The following ARHGAP27 variants were observed in gnomAD, a reference collection of about 807,000 sequenced individuals.
The protein encoded by ARHGAP27 is Rho GTPase activating protein 27.
In ARHGAP27, 53 loss-of-function variants were observed where a neutral mutation model predicts 102.0. The observed-to-expected ratio is 0.52, with a 90% CI of 0.42 to 0.65. The LOEUF (loss-of-function observed/expected upper bound fraction) is 0.65, where lower values mean the gene tolerates loss of function less well. Among genes scored for constraint, ARHGAP27 ranks in the 30% least tolerant of loss-of-function variants. The pLI is 0.00. For missense variants in ARHGAP27, 1,117 were observed against 1,256.2 expected (o/e 0.89, Z 1.68); for synonymous variants, 525 against 542.8 (o/e 0.97, Z 0.46).
In ARHGAP27 at chr17:45,395,114, T is replaced by G. The variant is rs555981232; in HGVS notation, c.*342A>C. On this transcript the variant is annotated 3_prime_UTR_variant, in exon 20 of 20. Coordinates refer to ENST00000685559, the MANE Select transcript of ARHGAP27 (RefSeq NM_001282290.2). ...GCCAGGAAGCCCTCCATCAAACTCC[T>G]CCTCCCAGCACCTACCATTCCAGAA... 1.2e-4 allele frequency: 39 copies of G among 332,398 alleles called. No individual in the cohort carries two copies. Among genetic ancestry groups the G allele is most frequent in the Non-Finnish European group, 2.1e-4 (38 of 179,944 alleles). The allele number at this position is 332,398 out of a possible 1,614,324, so 20.6% of individuals were successfully genotyped here.
intron 16 of ARHGAP27, 58 bp downstream of exon 16, chr17:45,396,429 G>C: frequency 2.7e-6 from 4 of 1,478,486 alleles, no homozygotes; most frequent in Non-Finnish European, 3.6e-6. Flanking sequence ...CTGCGGTCCT[G>C]GCAGGAGGCC....
chr17:45,397,908 C>G (rs774822507), intron 13 of ARHGAP27, 41 bp downstream of exon 13: 1 of 1,546,078 alleles, frequency 6.5e-7, no homozygotes. Context: ...ATAATGGCCA[C>G]CCCCTCCCCA....
chr17:45,395,672 G>A (rs1807378076), intron 19 of ARHGAP27, 39 bp from the exon 20 acceptor site: 1 of 1,574,280 alleles, frequency 6.4e-7, no homozygotes, highest in Non-Finnish European at 8.6e-7. Flanking sequence ...TCCGAACTGC[G>A]AACTGCGGGG....
Position 45,429,848 on chromosome 17 carries a change from G to A in ARHGAP27, c.432C>T (p.Tyr144=), listed in dbSNP as rs762741458. 116 of 1,368,064 alleles carry A rather than the reference G, an allele frequency of 8.5e-5. 1 individual carries two copies. In the South Asian group the frequency reaches 1.8e-3, roughly 21 times the overall value. 84.7% of individuals were successfully genotyped at this position (1,368,064 alleles called of 1,614,324 possible). A position where few individuals can be genotyped will look rare whatever the true frequency, so the allele number is the denominator to read the frequency against. ...GCCGCACGGGCGCCGCGGGCCGCAG[G>A]TACAGGCAGGCTGGCAGGCCGGGCG... ...SLAPGLPACL[Y]LRPAAPVRPA... Residue 144 remains tyrosine (Y), a synonymous_variant, in exon 4 of 20, where the codon TAC becomes TAT. Coordinates refer to ENST00000685559, the MANE Select transcript of ARHGAP27 (RefSeq NM_001282290.2).
rs2046954098 is a variant in ARHGAP27 at position 45,404,965 on chromosome 17, C to T, written c.1207G>A (p.Asp403Asn). The T allele has an allele frequency of 1.2e-6, 2 of 1,613,952 alleles. No homozygotes were observed. Among genetic ancestry groups the T allele is most frequent in the African/African-American group, 1.3e-5 (1 of 74,892 alleles). Residue 403 changes from aspartate to asparagine, a missense_variant, in exon 6 of 20, where the codon GAC (aspartate) becomes AAC (asparagine). Transcript: ENST00000685559. Reference protein sequence around the residue: ...PPGWSCHVSQDKQMLYTNHFT... With the variant: ...PPGWSCHVSQNKQMLYTNHFT... ...TGGTTGGTGTAGAGCATCTGCTTGT[C>T]CTGGCTGACATGACAAGACCAGCCG...
chr17:45,410,434 G>A, intron 4 of ARHGAP27: 6 of 1,352,646 alleles, frequency 4.4e-6, no homozygotes, highest in Non-Finnish European at 5.7e-6. Context: ...CCCATTTCCT[G>A]TCAGGGCTGC....
chr17:45,396,126 GAGGA>G lies in ARHGAP27; in HGVS notation c.2252-13_2252-10del. 1 of 1,607,094 alleles carries G rather than the reference GAGGA, an allele frequency of 6.2e-7. No individual in the cohort carries two copies. Among genetic ancestry groups the G allele is most frequent in the East Asian group, 2.2e-5 (1 of 44,808 alleles). ...CAGGTCAAGGCGCTCATCTGTGGCG[GAGGA>G]AGGGAGGAGGACGGAAGGGAAATCA... On this transcript the variant is annotated splice_polypyrimidine_tract_variant and intron_variant, in intron 17 of 19. Transcript: ENST00000685559.
intron 4 of ARHGAP27, among the ~76,000 whole-genome samples, chr17:45,418,623 C>T (rs1338206589): frequency 6.6e-6 from 1 of 152,128 alleles, no homozygotes; most frequent in Admixed American, 6.6e-5. Flanking sequence ...GCCACTTAAA[C>T]ACGCCCTGTT....
At chr17:45,429,459 C>T in intron 4 of ARHGAP27, 164 bp downstream of exon 4, 1 of 1,467,770 alleles carries the variant, frequency 6.8e-7, no homozygotes, top group Non-Finnish European at 8.9e-7. Flanking sequence ...GCGTGCACCC[C>T]TCACGTTTCG....
chr17:45,405,300 C>T (rs1005337887), intron 5 of ARHGAP27, among the ~76,000 whole-genome samples, 194 bp from the exon 6 acceptor site: 1 of 149,184 alleles, frequency 6.7e-6, no homozygotes, highest in African/African-American at 2.5e-5. Context: ...CAGAAGGCGT[C>T]AGAGGTAGCC....
rs1021101654 is a variant in ARHGAP27, at chr17:45,394,761, T to C, written c.*695A>G. On this transcript the variant is annotated 3_prime_UTR_variant, in exon 20 of 20. Transcript: ENST00000685559. ...TGGGATGGTGTGTGGAACTGGTGCA[T>C]GCCGAGCGGCAGATGCAAGGTGTGC... The C allele has an allele frequency of 1.1e-4, 17 of 152,360 alleles. No individual in the cohort carries two copies. The highest frequency in any genetic ancestry group is 3.9e-4 in the African/African-American group (16 of 41,450). The allele number at this position is 152,360 out of a possible 1,614,324, so 9.4% of individuals were successfully genotyped here. A position where few individuals can be genotyped will look rare whatever the true frequency, so the allele number is the denominator to read the frequency against.
At chr17:45,405,203 C>G in intron 5 of ARHGAP27, 97 bp from the exon 6 acceptor site, 2 of 1,349,322 alleles carry the variant, frequency 1.5e-6, no homozygotes, top group South Asian at 2.9e-5. Context: ...GCCTTCTGGT[C>G]CCTGAGGCTG....
chr17:45,418,944 A>G (rs2048747525), intron 4 of ARHGAP27, among the ~76,000 whole-genome samples: 1 of 152,178 alleles, frequency 6.6e-6, no homozygotes, highest in African/African-American at 2.4e-5. Context: ...CCATGCCCAC[A>G]GGCCCACTGG....
At chr17:45,421,219 C>T (rs1165512143) in intron 4 of ARHGAP27, among the ~76,000 whole-genome samples, 1 of 148,156 alleles carries the variant, frequency 6.7e-6, no homozygotes, top group Non-Finnish European at 1.5e-5. Context: ...TGGCTCATGC[C>T]TGTAATCCCA....
rs1349221340 is a variant in ARHGAP27 at position 45,425,673 on chromosome 17, C to T, written c.657+3950G>A. ...TGCTTGTATAAGAAGGTGCAGCAGC[C>T]CGGCTGGAACTTCCCTCCCAGCGGC... On this transcript the variant is annotated intron_variant, in intron 4 of 19. Coordinates refer to ENST00000685559, the MANE Select transcript of ARHGAP27 (RefSeq NM_001282290.2). The T allele has an allele frequency of 4.1e-6, 4 of 983,680 alleles. No individual in the cohort carries two copies. The African/African-American group carries it at 7.0e-5, about 17-fold the overall frequency. 60.9% of individuals were successfully genotyped at this position (983,680 alleles called of 1,614,324 possible).
rs117218979 is a variant in ARHGAP27, at chr17:45,427,100, C to T, written c.657+2523G>A. ...GGGAATCTAGAACTCAACCTGATTT[C>T]CCTCCCACCTCCCTCGGCCCCCAGA... On this transcript the variant is annotated intron_variant, in intron 4 of 19. Transcript: ENST00000685559. The surrounding 1 kb of genome is among the most constrained non-coding windows in gnomAD (Gnocchi z 4.5). Among the ~76,000 whole-genome samples, 4,140 of 152,144 alleles carry T rather than the reference C, an allele frequency of 0.027. 62 individuals carry two copies. Among genetic ancestry groups the T allele is most frequent in the Non-Finnish European group, 0.04 (2,688 of 67,972 alleles).
At chr17:45,429,070 C>A (rs1409442322) in intron 4 of ARHGAP27, among the ~76,000 whole-genome samples, 1 of 152,238 alleles carries the variant, frequency 6.6e-6, no homozygotes, top group Non-Finnish European at 1.5e-5. Context: ...AGACGCCTGA[C>A]TTTCACATCC....
At chr17:45,425,634 G>A (rs62064651) in intron 4 of ARHGAP27, 167,100 of 985,092 alleles carry the variant, frequency 0.17, 15,312 homozygotes, top group Middle Eastern at 0.18. Flanking sequence ...GCTCATGTGC[G>A]GCGCCTCCGG....
chr17:45,407,083 T>C (rs901772761), intron 4 of ARHGAP27, among the ~76,000 whole-genome samples: 2 of 152,208 alleles, frequency 1.3e-5, no homozygotes, highest in African/African-American at 4.8e-5. Flanking sequence ...CAGAGCTCCC[T>C]GCTGGCTGCA....
Sources: gnomAD v4.1 joint callset for allele counts (sites outside exome capture counted in the v4.1 genomes callset) on GRCh38, gnomAD v4.1.1 for gene constraint, Gnocchi (gnomAD v3.1) non-coding constraint, MANE v1.5 for transcripts, NCBI Gene and HGNC (gene_info 2026-07-23, HGNC 2026-07-21) for gene names.